ZNF717: variants seen among roughly 807,000 people sequenced by gnomAD.
ZNF717 encodes zinc finger protein 717, also known as krueppel-like factor X17.
A neutral mutation model predicts 13.8 loss-of-function variants in ZNF717; 9 were observed. The ratio of observed to expected loss-of-function variants is 0.65; its 90% confidence interval spans 0.39 to 1.14. The LOEUF is 1.14. Among genes scored for constraint, ZNF717 ranks in the 50% most tolerant of loss-of-function variants. The pLI, the probability that ZNF717 is intolerant of heterozygous loss-of-function variation, is 0.01. For missense variants in ZNF717, 1,040 were observed against 1,080.7 expected (o/e 0.96, Z 0.53); for synonymous variants, 327 against 364.1 (o/e 0.90, Z 1.16).
At position 75,741,360 on chromosome 3, in the gene ZNF717, T is replaced by C. The variant is rs1376894807; in HGVS notation, c.193A>G (p.Ile65Val). 3.1e-5 allele frequency: 48 copies of C among 1,537,658 alleles called. No homozygotes were observed. The highest frequency in any genetic ancestry group is 4.0e-5 in the Non-Finnish European group (45 of 1,134,430). ...TTGAAGATCATCTCAGGTTTGGTAA[T>C]GTAATGCCCTGGTAATGAGAAACAA... is the stretch of plus-strand genomic sequence containing the variant. ...YSSLVSLGHY[I>V]TKPEMIFKLE... The change falls in exon 4 of 5, where the codon ATT (isoleucine) becomes GTT (valine). Residue 65 changes from isoleucine (I) to valine (V), a missense_variant. Physicochemically the swap from Ile to Val is conservative, Grantham distance 29. Around this residue, in one of 3 missense-constraint regions of ZNF717, gnomAD observed 123 missense variants for 177.8 expected, o/e 0.69. Transcript: ENST00000652011.
At chr3:75,769,527 T>G (rs79292114) in intron 2 of ZNF717, among the ~76,000 whole-genome samples, 48 of 152,236 alleles carry the variant, frequency 3.2e-4, no homozygotes, top group Non-Finnish European at 1.0e-4. Flanking sequence ...GTTACTGGTA[T>G]GTTGTTACAT....
chr3:75,753,342 G>T (rs1455539173), intron 2 of ZNF717, among the ~76,000 whole-genome samples: 1 of 137,078 alleles, frequency 7.3e-6, no homozygotes, highest in Non-Finnish European at 1.6e-5. Flanking sequence ...CACTCCTGCT[G>T]TGGTCTGAAT....
At chr3:75,710,302 C>T (rs1166801363) in exon 6 of ZNF717, 1 of 132,358 alleles carries the variant, frequency 7.6e-6, no homozygotes, top group African/African-American at 2.6e-5. Flanking sequence ...ATGGTGTAAC[C>T]ACATGGCCTG....
Position 75,737,628 on chromosome 3 carries a change from G to T in ZNF717, c.1995C>A (p.His665Gln). ...GGTTTTTCCCCGTGTGAGTTCTCTG[G>T]TGTATGGTGAGGAATGACTTGCGAT... ...TFHRKSFLTI[H>Q]QRTHTGKNRM... Residue 665 changes from histidine (H) to glutamine (Q), a missense_variant, in exon 5 of 5, where the codon CAC becomes CAA. By Grantham distance (24) the His-to-Gln change is conservative (BLOSUM62 0). This residue lies in a region of ZNF717 where 873 missense variants were observed against 832.8 expected (regional missense o/e 1.05). Transcript: ENST00000652011. 1 of 1,544,274 alleles carries T rather than the reference G, an allele frequency of 6.5e-7. No homozygotes were observed. Among genetic ancestry groups the T allele is most frequent in the Admixed American group, 2.0e-5 (1 of 50,568 alleles).
At chr3:75,771,284 T>G (rs1260901225) in intron 2 of ZNF717, among the ~76,000 whole-genome samples, 1 of 152,212 alleles carries the variant, frequency 6.6e-6, no homozygotes, top group East Asian at 1.9e-4. Flanking sequence ...TGGACCTCAC[T>G]CCTCACTTCA....
chr3:75,731,160 T>C (rs1168041843), downstream of ZNF717, among the ~76,000 whole-genome samples: 1 of 152,072 alleles, frequency 6.6e-6, no homozygotes, highest in Non-Finnish European at 1.5e-5. Flanking sequence ...GTGGATCACA[T>C]GAAGTCAGGA....
chr3:75,732,354 C>G (rs1393069952), downstream of ZNF717, among the ~76,000 whole-genome samples: 3 of 152,266 alleles, frequency 2.0e-5, no homozygotes, highest in African/African-American at 7.2e-5. Context: ...AAAGCAGAGA[C>G]TCACTTAAAC....
At chr3:75,761,997 T>A (rs1428058219) in intron 2 of ZNF717, among the ~76,000 whole-genome samples, 7 of 150,052 alleles carry the variant, frequency 4.7e-5, no homozygotes, top group Admixed American at 2.0e-4. Context: ...GAGGTTGCAG[T>A]CAGCTGAGAT....
At chr3:75,722,258 CA>C (rs137896529) in intron 4 of ZNF717, among the ~76,000 whole-genome samples, 1 of 151,544 alleles carries the variant, frequency 6.6e-6, no homozygotes, top group East Asian at 1.9e-4. Context: ...GATTCCACTT[CA>C]AAAAAAATTA....
intron 6 of ZNF717, among the ~76,000 whole-genome samples, chr3:75,697,705 C>T (rs1937619106): frequency 6.6e-6 from 1 of 152,312 alleles, no homozygotes; most frequent in South Asian, 2.1e-4. Flanking sequence ...GCAAAAATAG[C>T]TTAATACATA....
At chr3:75,770,622 G>A (rs1193787001) in intron 2 of ZNF717, among the ~76,000 whole-genome samples, 1 of 152,192 alleles carries the variant, frequency 6.6e-6, no homozygotes, top group African/African-American at 2.4e-5. Context: ...CTTGACACCA[G>A]ATGAGCCTGA....
At chr3:75,724,906 C>T (rs112117797) in intron 4 of ZNF717, among the ~76,000 whole-genome samples, 8,573 of 57,220 alleles carry the variant, frequency 0.15, no homozygotes, top group Middle Eastern at 0.18. Flanking sequence ...TCTCCCAGAC[C>T]CATCACACCT....
intron 2 of ZNF717, among the ~76,000 whole-genome samples, chr3:75,764,634 T>C (rs1187070069): frequency 2.0e-5 from 3 of 152,182 alleles, no homozygotes; most frequent in African/African-American, 7.2e-5. Flanking sequence ...GATGCAAAGA[T>C]GATATACAAA....
chr3:75,697,845 A>C lies in ZNF717; in HGVS notation n.1085+13342T>G, dbSNP rs1174865826. 7.2e-5 allele frequency among the ~76,000 whole-genome samples: 11 copies of C among 152,406 alleles called. No homozygotes were observed. The East Asian group carries it at 2.1e-3, about 29-fold the overall frequency. ...CAGAAGAAGACAGAAAAATGAGAGA[A>C]AGTTGAGATTTTCTTAGAGACTGGT... On this transcript the variant is annotated intron_variant and non_coding_transcript_variant, in intron 6 of 6. Coordinates refer to the ZNF717 transcript ENST00000648506.
At position 75,737,633 on chromosome 3, in the gene ZNF717, T is replaced by A; in HGVS notation, c.1990A>T (p.Ile664Leu). Residue 664 changes from isoleucine to leucine, a missense_variant, in exon 5 of 5, where the codon ATA (isoleucine) becomes TTA (leucine). Coordinates refer to ENST00000652011, the MANE Select transcript of ZNF717 (RefSeq NM_001290208.3). ...KTFHRKSFLTIHQRTHTGKNR... is the reference protein window; with the variant it reads ...KTFHRKSFLTLHQRTHTGKNR... ...TTCCCCGTGTGAGTTCTCTGGTGTA[T>A]GGTGAGGAATGACTTGCGATGAAAG... The A allele has an allele frequency of 1.3e-6, 2 of 1,544,688 alleles. No individual in the cohort carries two copies. The highest frequency in any genetic ancestry group is 1.8e-6 in the Non-Finnish European group (2 of 1,142,410).
chr3:75,748,554 G>A (rs1941387138), intron 2 of ZNF717, among the ~76,000 whole-genome samples: 1 of 152,058 alleles, frequency 6.6e-6, no homozygotes, highest in African/African-American at 2.4e-5. Context: ...ATCAATAAAT[G>A]TAATCCAGCA....
chr3:75,706,550 G>T (rs1937806546), downstream of ZNF717, among the ~76,000 whole-genome samples: 1 of 152,370 alleles, frequency 6.6e-6, no homozygotes, highest in African/African-American at 2.4e-5. Flanking sequence ...GAAGGTGAAA[G>T]TCCCACTCTG....
At chr3:75,741,064 T>C (rs1940358157) in intron 4 of ZNF717, among the ~76,000 whole-genome samples, 1 of 152,174 alleles carries the variant, frequency 6.6e-6, no homozygotes, top group South Asian at 2.1e-4. Context: ...GGATTGGATT[T>C]GGGGTAAATA....
At chr3:75,755,248 A>AT (rs1349403548) in intron 2 of ZNF717, among the ~76,000 whole-genome samples, 2 of 125,214 alleles carry the variant, frequency 1.6e-5, no homozygotes, top group African/African-American at 5.8e-5. Flanking sequence ...CTGGATCAAC[A>AT]TTTTTTTAAA....
Sources: allele counts gnomAD v4.1 joint callset (sites outside exome capture counted in the v4.1 genomes callset), GRCh38; gene constraint gnomAD v4.1.1; regional missense constraint gnomAD v4.1.1; transcripts MANE v1.5; gene names NCBI Gene and HGNC (gene_info 2026-07-23, HGNC 2026-07-21).